The following RBFOX1 variants were observed in gnomAD, a reference collection of about 807,000 sequenced individuals.
RBFOX1 encodes RNA binding protein fox-1 homolog 1.
Under a neutral mutation model 57.7 loss-of-function variants are expected in RBFOX1, and 8 were observed. The observed-to-expected ratio is 0.14, with a 90% CI of 0.08 to 0.25. The LOEUF (loss-of-function observed/expected upper bound fraction) is 0.25, where lower values mean the gene tolerates loss of function less well. RBFOX1 is among the 10% of genes least tolerant of loss of function. The probability of loss-of-function intolerance (pLI) is 1.00; values close to 1 mark genes in which losing one functional copy is unlikely to be tolerated. For synonymous variants in RBFOX1, 326 were observed against 222.4 expected (o/e 1.47, Z -4.15); for missense variants, 611 against 548.5 (o/e 1.11, Z -1.14).
At chr16:6,511,967 C>T (rs189355565) in intron 2 of RBFOX1, among the ~76,000 whole-genome samples, 74 of 152,090 alleles carry the variant, frequency 4.9e-4, no homozygotes, top group African/African-American at 1.7e-3. Context: ...CTGAGACTTA[C>T]CCCTACAGGG....
At chr16:6,806,822 A>ATATATATAAATATATATATATATATT (rs2086902775) in intron 3 of RBFOX1, among the ~76,000 whole-genome samples, 1 of 74,030 alleles carries the variant, frequency 1.4e-5, no homozygotes, top group Non-Finnish European at 2.6e-5. Flanking sequence ...ATATAAATAT[A>ATATATATAAATATATATATATATATT]TATATATATA....
chr16:6,855,112 T>C (rs1359036219), intron 3 of RBFOX1, among the ~76,000 whole-genome samples: 2 of 151,636 alleles, frequency 1.3e-5, no homozygotes, highest in Non-Finnish European at 2.9e-5. Flanking sequence ...ATGTAGGGAG[T>C]TGACAGATTC....
intron 4 of RBFOX1, among the ~76,000 whole-genome samples, chr16:7,056,872 G>T (rs1399172265): frequency 6.6e-6 from 1 of 152,086 alleles, no homozygotes; most frequent in South Asian, 2.1e-4. Flanking sequence ...TACTAGGAAG[G>T]GTGGTTAGGG....
rs112205447 is a variant in RBFOX1 at position 7,066,974 on chromosome 16, A to G, written c.27+14876A>G. On this transcript the variant is annotated intron_variant, in intron 4 of 15. Coordinates refer to ENST00000550418, the MANE Select transcript of RBFOX1 (RefSeq NM_018723.4). ...GTAGAATTTTTCATTCCAAAGACAC[A>G]TGGAAATGCCTCTTTATGCTCCTAA... Among the ~76,000 whole-genome samples, 198 of 152,326 alleles carry G rather than the reference A, an allele frequency of 1.3e-3. 1 individual carries two copies. Among genetic ancestry groups the G allele is most frequent in the African/African-American group, 4.6e-3 (193 of 41,560 alleles).
At chr16:6,870,209 G>A (rs573656461) in intron 3 of RBFOX1, among the ~76,000 whole-genome samples, 1 of 152,152 alleles carries the variant, frequency 6.6e-6, no homozygotes, top group South Asian at 2.1e-4. Context: ...CTAGAATTTT[G>A]CAGGCAGAGC....
chr16:6,851,783 C>T (rs900713797), intron 3 of RBFOX1, among the ~76,000 whole-genome samples: 40 of 152,112 alleles, frequency 2.6e-4, no homozygotes, highest in Admixed American at 1.2e-3. Context: ...AGGTGGCACC[C>T]GGACCCTTAA....
chr16:6,152,639 C>T (rs909474355), intron 1 of RBFOX1, among the ~76,000 whole-genome samples: 2 of 152,176 alleles, frequency 1.3e-5, no homozygotes, highest in African/African-American at 4.8e-5. Flanking sequence ...ACAAGCGCTT[C>T]ATTGAAAATT....
chr16:6,150,357 A>T (rs2096789080), intron 1 of RBFOX1, among the ~76,000 whole-genome samples: 1 of 152,144 alleles, frequency 6.6e-6, no homozygotes, highest in Non-Finnish European at 1.5e-5. Context: ...GAGAACCAGG[A>T]GAGAAGAGTT....
intron 5 of RBFOX1, among the ~76,000 whole-genome samples, chr16:7,537,223 T>C (rs1448709775): frequency 1.3e-5 from 2 of 152,184 alleles, no homozygotes; most frequent in South Asian, 2.1e-4. Context: ...GAGATGTTGA[T>C]AGGAACTAGA....
At chr16:7,001,391 TG>T (rs879678484) in intron 3 of RBFOX1, among the ~76,000 whole-genome samples, 4,139 of 140,190 alleles carry the variant, frequency 0.03, 166 homozygotes, top group African/African-American at 0.11. Context: ...TGTATGTGTA[TG>T]TGTATTTGTA....
rs773260179 is a variant in RBFOX1 at position 7,630,703 on chromosome 16, T to A, written c.757+20T>A. On this transcript the variant is annotated intron_variant, in intron 11 of 15. Transcript: ENST00000550418. The stretch of plus-strand genomic sequence containing the variant: ...CTGCAAGTAAGCCCACTGTCGTGGC[T>A]CTTTTTGTTTTGTGACATAAATCTG... 1.2e-6 allele frequency: 2 copies of A among 1,613,896 alleles called. No individual in the cohort carries two copies. The highest frequency in any genetic ancestry group is 2.2e-5 in the East Asian group (1 of 44,846).
At chr16:7,257,138 T>A (rs1173549848) in intron 4 of RBFOX1, among the ~76,000 whole-genome samples, 1 of 152,150 alleles carries the variant, frequency 6.6e-6, no homozygotes, top group Admixed American at 6.5e-5. Flanking sequence ...CGAAATTGCC[T>A]TCGGAAAACC....
At chr16:7,529,814 G>C (rs2079567905) in intron 5 of RBFOX1, among the ~76,000 whole-genome samples, 1 of 151,934 alleles carries the variant, frequency 6.6e-6, no homozygotes, top group Non-Finnish European at 1.5e-5. Context: ...TTCGAGACCA[G>C]CCTAGTCAAC....
At chr16:7,413,063 A>C (rs1332231064) in intron 4 of RBFOX1, among the ~76,000 whole-genome samples, 1 of 151,926 alleles carries the variant, frequency 6.6e-6, no homozygotes, top group African/African-American at 2.4e-5. Context: ...AAAATAAATA[A>C]AAATAAAAAT....
intron 2 of RBFOX1, among the ~76,000 whole-genome samples, chr16:6,618,653 C>G (rs547960923): frequency 1.3e-5 from 2 of 152,166 alleles, no homozygotes; most frequent in African/African-American, 2.4e-5. Context: ...CGTGAGAGAA[C>G]TGGCTTTCAA....
intron 2 of RBFOX1, among the ~76,000 whole-genome samples, chr16:6,373,932 C>T (rs997397598): frequency 6.6e-6 from 1 of 152,130 alleles, no homozygotes; most frequent in African/African-American, 2.4e-5. Flanking sequence ...TATCTATTGA[C>T]TGTGTGACTA....
rs73486605 is a variant in RBFOX1 at position 7,555,142 on chromosome 16, C to T, written c.271-24635C>T. ...CATTAAATTACAATGCATCTCCCCA[C>T]CCTCTTACCCTCAACTCAGATTTAA... is the stretch of plus-strand genomic sequence containing the variant. On this transcript the variant is annotated intron_variant, in intron 5 of 15. Transcript: ENST00000550418. 6.6e-3 allele frequency among the ~76,000 whole-genome samples: 1,008 copies of T among 152,234 alleles called. 9 individuals carry two copies. Among genetic ancestry groups the T allele is most frequent in the African/African-American group, 0.023 (965 of 41,530 alleles).
intron 4 of RBFOX1, among the ~76,000 whole-genome samples, chr16:5,971,443 G>T (rs1567205885): frequency 6.6e-6 from 1 of 152,100 alleles, no homozygotes; most frequent in African/African-American, 2.4e-5. Flanking sequence ...GAGGTAATTT[G>T]TTTTTGTTTT....
intron 3 of RBFOX1, among the ~76,000 whole-genome samples, chr16:6,908,752 C>A (rs1344987640): frequency 2.6e-5 from 4 of 152,168 alleles, no homozygotes; most frequent in Non-Finnish European, 4.4e-5. Context: ...CTCATTGACT[C>A]ACTGTGCAAT....
Sources: allele counts gnomAD v4.1 joint callset (sites outside exome capture counted in the v4.1 genomes callset), GRCh38; gene constraint gnomAD v4.1.1; transcripts MANE v1.5; gene names NCBI Gene and HGNC (gene_info 2026-07-23, HGNC 2026-07-21).